Variants in SPAG17 observed in about 807,000 individuals in gnomAD.
SPAG17 encodes sperm associated antigen 17, also known as sperm-associated antigen 17.
Under a neutral mutation model 273.6 loss-of-function variants are expected in SPAG17, and 169 were observed. That is an observed-to-expected ratio of 0.62 (90% confidence interval 0.55 to 0.70). The LOEUF (loss-of-function observed/expected upper bound fraction) is 0.70, where lower values mean the gene tolerates loss of function less well. Ranked by LOEUF, SPAG17 falls within the 30% of genes least tolerant of loss-of-function variation. The pLI is 0.00. For missense variants in SPAG17, 2,557 were observed against 2,627.8 expected (o/e 0.97, Z 0.59); for synonymous variants, 825 against 873.2 (o/e 0.94, Z 0.97).
chr1:118,031,177 CTT>C (rs1015324627), intron 25 of SPAG17, among the ~76,000 whole-genome samples: 178 of 54,902 alleles, frequency 3.2e-3, no homozygotes, highest in African/African-American at 0.012. Flanking sequence ...GAGGACTACT[CTT>C]TTTTTTTTTT....
Position 118,055,819 on chromosome 1 carries a change from C to A in SPAG17, c.2636G>T (p.Arg879Met). 1 of 1,613,044 alleles carries A rather than the reference C, an allele frequency of 6.2e-7. No homozygotes were observed. Among genetic ancestry groups the A allele is most frequent in the Non-Finnish European group, 8.5e-7 (1 of 1,179,580 alleles). The change falls in exon 19 of 49, where the codon AGG (arginine) becomes ATG (methionine). Residue 879 changes from arginine to methionine, a missense_variant. By Grantham distance (91) the Arg-to-Met change is moderately conservative (BLOSUM62 -1). Transcript: ENST00000336338. ...TTTCAATTCCAGCTCAGCTCTGGTC[C>A]TGATGATTTTCTCATTCATTTTAGA... ...QESKMNEKII[R>M]TRAELELKSS...
At chr1:118,176,137 T>G (rs907934415) in intron 1 of SPAG17, among the ~76,000 whole-genome samples, 5 of 152,094 alleles carry the variant, frequency 3.3e-5, no homozygotes, top group Non-Finnish European at 7.4e-5. Flanking sequence ...AATTAAAATA[T>G]ACTACCAGAG....
chr1:118,138,941 C>A (rs1289047153), intron 3 of SPAG17, among the ~76,000 whole-genome samples: 1 of 152,124 alleles, frequency 6.6e-6, no homozygotes, highest in Non-Finnish European at 1.5e-5. Context: ...CTTAAACTAT[C>A]TCAAACTATA....
At chr1:117,973,721 T>G (rs1020475550) in intron 43 of SPAG17, among the ~76,000 whole-genome samples, 160 bp from the exon 44 acceptor site, 4 of 152,196 alleles carry the variant, frequency 2.6e-5, no homozygotes, top group Non-Finnish European at 4.4e-5. Flanking sequence ...TCAATTTTTC[T>G]TTTAGATTTA....
At chr1:117,990,934 T>C in intron 37 of SPAG17, 28 bp from the exon 38 acceptor site, 1 of 1,378,072 alleles carries the variant, frequency 7.3e-7, no homozygotes, top group South Asian at 1.3e-5. Context: ...TTACTTATGA[T>C]GATTATATTA....
intron 12 of SPAG17, 62 bp from the exon 13 acceptor site, chr1:118,086,134 A>G: frequency 6.7e-7 from 1 of 1,488,232 alleles, no homozygotes; most frequent in Non-Finnish European, 9.2e-7. Context: ...CCTTATGCAT[A>G]TGGAGAAGGC....
intron 23 of SPAG17, 119 bp downstream of exon 23, chr1:118,039,173 G>A (rs1210268790): frequency 9.4e-7 from 1 of 1,060,138 alleles, no homozygotes; most frequent in Non-Finnish European, 1.4e-6. Context: ...ATTAATAAGA[G>A]AGTGTACTGG....
intron 24 of SPAG17, among the ~76,000 whole-genome samples, chr1:118,034,691 T>G (rs1648867703): frequency 6.6e-6 from 1 of 152,178 alleles, no homozygotes; most frequent in Non-Finnish European, 1.5e-5. Context: ...CATAGTTTAT[T>G]CAAGGAACTG....
chr1:118,033,854 T>A (rs1382352420), intron 24 of SPAG17, among the ~76,000 whole-genome samples: 3 of 152,226 alleles, frequency 2.0e-5, no homozygotes, highest in African/African-American at 7.2e-5. Context: ...TAAAGTCCCA[T>A]CTGAAATGCT....
rs758047837 is a variant in SPAG17 at position 118,066,696 on chromosome 1, G to A, written c.2540+49C>T. On this transcript the variant is annotated intron_variant, in intron 18 of 48. Coordinates refer to ENST00000336338, the MANE Select transcript of SPAG17 (RefSeq NM_206996.4). ...ACCTAAGTAACTAAGTAACTGGCAAGCTAACTAAACCCAACTAACTAATTA... is the reference window on the plus strand; with the variant it reads ...ACCTAAGTAACTAAGTAACTGGCAAACTAACTAAACCCAACTAACTAATTA... The A allele has an allele frequency of 2.6e-6, 4 of 1,526,324 alleles. No homozygotes were observed. In the East Asian group the frequency reaches 9.0e-5, roughly 34 times the overall value. 94.5% of individuals were successfully genotyped at this position (1,526,324 alleles called of 1,614,324 possible).
At chr1:118,125,082 T>C (rs1657636224) in intron 3 of SPAG17, among the ~76,000 whole-genome samples, 1 of 152,286 alleles carries the variant, frequency 6.6e-6, no homozygotes. Context: ...GCCTCAACTC[T>C]AAATAGCTGA....
At chr1:118,081,353 T>C (rs377397081) in intron 14 of SPAG17, 34 bp from the exon 15 acceptor site, 21 of 1,611,364 alleles carry the variant, frequency 1.3e-5, no homozygotes, top group Non-Finnish European at 1.8e-5. Context: ...TGAGATACAA[T>C]ATGAGAAAAA....
intron 10 of SPAG17, among the ~76,000 whole-genome samples, chr1:118,089,355 G>GTGTGTGTGTGTGTGTGT (rs10527094): frequency 1.0e-4 from 14 of 137,920 alleles, no homozygotes; most frequent in East Asian, 4.8e-4. Context: ...GTGTGTGTGT[G>GTGTGTGTGTGTGTGTGT]GTGGCAGGTA....
intron 10 of SPAG17, among the ~76,000 whole-genome samples, chr1:118,088,708 A>T (rs1655167170): frequency 1.3e-5 from 2 of 152,224 alleles, no homozygotes; most frequent in Admixed American, 1.3e-4. Context: ...TTTACAAATT[A>T]AAAACATTAC....
chr1:118,002,253 A>C (rs1658369091), intron 32 of SPAG17, among the ~76,000 whole-genome samples: 1 of 152,190 alleles, frequency 6.6e-6, no homozygotes, highest in South Asian at 2.1e-4. Flanking sequence ...TTACGTGGTC[A>C]ATTGTAAAAT....
At chr1:118,054,137 G>T (rs1429204676) in intron 19 of SPAG17, 44 bp from the exon 20 acceptor site, 2 of 1,335,942 alleles carry the variant, frequency 1.5e-6, no homozygotes, top group Middle Eastern at 2.6e-4. Flanking sequence ...TCTTAAATAA[G>T]ATATCATAGA....
chr1:117,955,997 A>G (rs963032797), intron 48 of SPAG17, among the ~76,000 whole-genome samples: 1 of 152,182 alleles, frequency 6.6e-6, no homozygotes, highest in African/African-American at 2.4e-5. Context: ...GGGTGATTAT[A>G]CTGATTTTTA....
At chr1:118,105,026 T>C (rs1282171136) in intron 4 of SPAG17, among the ~76,000 whole-genome samples, 4 of 152,030 alleles carry the variant, frequency 2.6e-5, no homozygotes, top group African/African-American at 9.7e-5. Context: ...TCTCTAGAAG[T>C]CAACATGGGA....
chr1:118,039,225 A>T, intron 23 of SPAG17, 67 bp downstream of exon 23: 1 of 1,492,492 alleles, frequency 6.7e-7, no homozygotes, highest in Middle Eastern at 1.8e-4. Context: ...CCATTCATTT[A>T]ATGGAGTGGA....
Sources: gnomAD v4.1 joint callset for allele counts (sites outside exome capture counted in the v4.1 genomes callset) on GRCh38, gnomAD v4.1.1 for gene constraint, MANE v1.5 for transcripts, NCBI Gene and HGNC (gene_info 2026-07-23, HGNC 2026-07-21) for gene names.